VWA3A: variants seen among roughly 807,000 people sequenced by gnomAD.
VWA3A encodes the protein von Willebrand factor A domain-containing protein 3A.
A neutral mutation model predicts 160.4 loss-of-function variants in VWA3A; 134 were observed. That is an observed-to-expected ratio of 0.84 (90% CI 0.73 to 0.96). VWA3A has a LOEUF of 0.96. VWA3A is among the 40% of genes least tolerant of loss of function. The pLI, the probability that VWA3A is intolerant of heterozygous loss-of-function variation, is 0.00. For missense variants in VWA3A, 1,310 were observed against 1,447.9 expected, an observed-to-expected ratio of 0.90 and a Z score of 1.55; for synonymous variants, 476 against 543.4, an observed-to-expected ratio of 0.88 and a Z score of 1.72.
intron 26 of VWA3A, 70 bp from the exon 27 acceptor site, chr16:22,146,166 T>G (rs1397261668): frequency 7.9e-7 from 1 of 1,258,706 alleles, no homozygotes; most frequent in Admixed American, 2.0e-5. Context: ...ATAAACAATT[T>G]TAGGGGGTGA....
chr16:22,148,087 T>C, intron 27 of VWA3A, 75 bp from the exon 28 acceptor site: 5 of 1,476,490 alleles, frequency 3.4e-6, no homozygotes, highest in East Asian at 2.5e-5. Context: ...ACTTGATAGA[T>C]AGAGTGAGGG....
intron 20 of VWA3A, 28 bp downstream of exon 20, chr16:22,133,123 G>A (rs759540387): frequency 3.1e-6 from 5 of 1,595,550 alleles, no homozygotes; most frequent in Non-Finnish European, 4.3e-6. Context: ...CATCCCTTCA[G>A]CTCATTCCAA....
chr16:22,098,651 G>A (rs967943862), intron 3 of VWA3A, among the ~76,000 whole-genome samples: 1 of 152,202 alleles, frequency 6.6e-6, no homozygotes, highest in Admixed American at 6.5e-5. Context: ...TACATAATTA[G>A]CATGGCCTAA....
intron 4 of VWA3A, 47 bp downstream of exon 4, chr16:22,100,365 A>T: frequency 6.4e-7 from 1 of 1,551,648 alleles, no homozygotes; most frequent in Non-Finnish European, 8.7e-7. Flanking sequence ...GCAGTGACAC[A>T]TGCAACCCCC....
chr16:22,117,172 T>C lies in VWA3A; in HGVS notation c.986T>C (p.Met329Thr). ...RGYYHCYSPKMEHYTSRDMDE... is the reference protein window; with the variant it reads ...RGYYHCYSPKTEHYTSRDMDE... ...TACTACCACTGCTACAGCCCAAAGA[T>C]GGAGGTAAGCCCTTCTGTCAACACA... Residue 329 changes from methionine (M) to threonine (T), a missense_variant, in exon 11 of 34, where the codon ATG (methionine) becomes ACG (threonine). Met to Thr is a moderately conservative substitution (Grantham distance 81, BLOSUM62 -1). Transcript: ENST00000389398. 1 of 1,578,298 alleles carries C rather than the reference T, an allele frequency of 6.3e-7. No homozygotes were observed. The highest frequency in any genetic ancestry group is 1.2e-5 in the South Asian group (1 of 85,638).
At chr16:22,109,609 T>C in intron 7 of VWA3A, 29 bp downstream of exon 7, 1 of 1,594,672 alleles carries the variant, frequency 6.3e-7, no homozygotes, top group Non-Finnish European at 8.6e-7. Flanking sequence ...GAGAAACACC[T>C]GGAACCACCC....
intron 19 of VWA3A, 116 bp from the exon 20 acceptor site, chr16:22,132,784 G>A: frequency 1.0e-6 from 1 of 955,910 alleles, no homozygotes; most frequent in Admixed American, 2.5e-5. Context: ...TTGTGCCAAG[G>A]ACTGGACCAG....
At chr16:22,154,554 C>T (rs2046405381) in intron 31 of VWA3A, among the ~76,000 whole-genome samples, 1 of 151,766 alleles carries the variant, frequency 6.6e-6, no homozygotes, top group South Asian at 2.1e-4. Context: ...GTCTCAAACT[C>T]CTGACTTCAA....
At chr16:22,132,764 C>G in intron 19 of VWA3A, 136 bp from the exon 20 acceptor site, 1 of 816,604 alleles carries the variant, frequency 1.2e-6, no homozygotes, top group Non-Finnish European at 1.9e-6. Flanking sequence ...AGCCTCATCT[C>G]TTTCCATCCT....
rs1567207865 is a variant in VWA3A, at chr16:22,123,295, C to T, written c.1437+130C>T. The T allele has an allele frequency of 1.1e-5, 12 of 1,103,318 alleles. No homozygotes were observed. The East Asian group carries it at 2.8e-4, about 26-fold the overall frequency. The allele number at this position is 1,103,318 out of a possible 1,614,324, so 68.3% of individuals were successfully genotyped here. On this transcript the variant is annotated intron_variant, in intron 15 of 33. Transcript: ENST00000389398. ...TTGTAAAGAGGGACTGTGTGCTCCA[C>T]CTACAGGCCTCCTGAAGCTTTGGCC...
intron 27 of VWA3A, 70 bp downstream of exon 27, chr16:22,146,414 CAG>C: frequency 7.5e-7 from 1 of 1,341,602 alleles, no homozygotes; most frequent in Non-Finnish European, 1.0e-6. Flanking sequence ...CCAGGGACCC[CAG>C]TGTCAGTCCT....
At chr16:22,118,841 G>T in intron 11 of VWA3A, 61 bp from the exon 12 acceptor site, 1 of 1,603,558 alleles carries the variant, frequency 6.2e-7, no homozygotes, top group South Asian at 1.1e-5. Context: ...GCCCCTTCCT[G>T]GGTTGACCCC....
At position 22,131,299 on chromosome 16, in the gene VWA3A, T is replaced by G. The variant is rs1336829652; in HGVS notation, c.1727+20T>G. 1.9e-6 allele frequency: 3 copies of G among 1,612,986 alleles called. No homozygotes were observed. Among genetic ancestry groups the G allele is most frequent in the Admixed American group, 3.3e-5 (2 of 59,952 alleles). On this transcript the variant is annotated intron_variant, in intron 18 of 33. Transcript: ENST00000389398. Reference sequence around the variant, plus strand: ...CTGGCGGTAGGTTATGGGCAGAGACTTCGTGGGGCTGTGTCTGAGGGAAGG... The same window carrying G: ...CTGGCGGTAGGTTATGGGCAGAGACGTCGTGGGGCTGTGTCTGAGGGAAGG...
chr16:22,097,687 G>A lies in VWA3A; in HGVS notation c.217G>A (p.Asp73Asn). Residue 73 changes from aspartate (D) to asparagine (N), a missense_variant, in exon 3 of 34, where the codon GAC becomes AAC. By Grantham distance (23) the Asp-to-Asn change is conservative (BLOSUM62 1). Transcript: ENST00000389398. ...GGTTACACATGTTAACCAGACACAG[G>A]ACTTACTGGTAAAGACCATGGCACT... ...LLVTHVNQTQ[D>N]LLRLQGSETQ... is the part of the protein sequence containing the mutation. The A allele has an allele frequency of 6.4e-7, 1 of 1,551,614 alleles. No homozygotes were observed. The highest frequency in any genetic ancestry group is 2.0e-5 in the Admixed American group (1 of 51,004).
intron 20 of VWA3A, 132 bp from the exon 21 acceptor site, chr16:22,134,236 G>C: frequency 1.5e-6 from 1 of 661,110 alleles, no homozygotes; most frequent in Non-Finnish European, 2.5e-6. Context: ...CCAAATGCTG[G>C]GATTACAGGA....
chr16:22,136,526 C>T (rs1013992816), intron 21 of VWA3A, among the ~76,000 whole-genome samples: 3 of 152,000 alleles, frequency 2.0e-5, no homozygotes, highest in South Asian at 2.1e-4. Context: ...AGGCTGTGGT[C>T]GAGGCAGTGG....
chr16:22,154,811 G>A (rs984146933), intron 31 of VWA3A, among the ~76,000 whole-genome samples: 5 of 150,198 alleles, frequency 3.3e-5, no homozygotes, highest in Non-Finnish European at 5.9e-5. Flanking sequence ...AAAATTAGCC[G>A]GGCGCGGTGG....
chr16:22,100,103 G>T, intron 3 of VWA3A, 91 bp from the exon 4 acceptor site: 2 of 1,401,014 alleles, frequency 1.4e-6, no homozygotes, highest in Non-Finnish European at 1.9e-6. Context: ...GGGTCAGTCT[G>T]AGTTGGCGCC....
Position 22,143,683 on chromosome 16 carries a change from C to T in VWA3A, c.2593-564C>T, listed in dbSNP as rs567351937. 1.3e-4 allele frequency among the ~76,000 whole-genome samples: 20 copies of T among 151,736 alleles called. No homozygotes were observed. The East Asian group carries it at 3.9e-3, about 29-fold the overall frequency. ...TAGGGAAGTAACAGTGTCCACTAGA[C>T]TAGGGTCTGGGAGGTGCGCGATAGA... On this transcript the variant is annotated intron_variant, in intron 25 of 33. Transcript: ENST00000389398.
Sources: gnomAD v4.1 joint callset for allele counts (sites outside exome capture counted in the v4.1 genomes callset) on GRCh38, gnomAD v4.1.1 for gene constraint, MANE v1.5 for transcripts, NCBI Gene and HGNC (gene_info 2026-07-23, HGNC 2026-07-21) for gene names.